The following ERBB4 variants were observed in gnomAD, a reference collection of about 807,000 sequenced individuals.
The protein encoded by ERBB4 is erb-b2 receptor tyrosine kinase 4, also known as receptor tyrosine-protein kinase erbB-4.
ERBB4 carries 42 observed loss-of-function variants against 158.0 expected under a neutral mutation model. The ratio of observed to expected loss-of-function variants is 0.27; its 90% confidence interval spans 0.21 to 0.34. ERBB4 has a LOEUF of 0.34. Among genes scored for constraint, ERBB4 ranks in the 10% least tolerant of loss-of-function variants. The pLI is 1.00. For missense variants in ERBB4, 1,333 were observed against 1,624.1 expected, an observed-to-expected ratio of 0.82 and a Z score of 3.08; for synonymous variants, 583 against 558.7, an observed-to-expected ratio of 1.04 and a Z score of -0.61.
At chr2:211,897,548 C>T (rs953952673) in intron 3 of ERBB4, among the ~76,000 whole-genome samples, 5 of 151,916 alleles carry the variant, frequency 3.3e-5, no homozygotes, top group African/African-American at 4.8e-5. Context: ...CACTTTGTTT[C>T]CTGTGCTGGA....
intron 20 of ERBB4, among the ~76,000 whole-genome samples, chr2:211,533,758 A>G (rs995634085): frequency 6.6e-6 from 1 of 152,128 alleles, no homozygotes; most frequent in African/African-American, 2.4e-5. Context: ...GGCTATTTGC[A>G]GTGCATGACT....
At chr2:211,830,628 A>C (rs1485832965) in intron 3 of ERBB4, among the ~76,000 whole-genome samples, 1 of 152,146 alleles carries the variant, frequency 6.6e-6, no homozygotes, top group Admixed American at 6.6e-5. Flanking sequence ...GAAAGCAATA[A>C]ACATCATTCC....
chr2:211,420,676 G>A (rs2063495650), intron 24 of ERBB4, 65 bp from the exon 25 acceptor site: 4 of 1,352,656 alleles, frequency 3.0e-6, no homozygotes, highest in East Asian at 2.3e-5. Context: ...TGTGGTCTCT[G>A]CAATAAATTT....
At chr2:211,835,169 G>GCTCTGCTTCATTAACCAT (rs1559558526) in intron 3 of ERBB4, among the ~76,000 whole-genome samples, 2 of 152,060 alleles carry the variant, frequency 1.3e-5, no homozygotes, top group African/African-American at 4.8e-5. Flanking sequence ...CATCACCCCA[G>GCTCTGCTTCATTAACCAT]CTCTGCTTCA....
intron 20 of ERBB4, among the ~76,000 whole-genome samples, chr2:211,494,821 C>T (rs1211429848): frequency 6.6e-6 from 1 of 152,104 alleles, no homozygotes; most frequent in Non-Finnish European, 1.5e-5. Flanking sequence ...CCAGTCATCT[C>T]ATGTGAACCA....
chr2:211,843,292 G>C (rs1029058504), intron 3 of ERBB4, among the ~76,000 whole-genome samples: 3 of 152,054 alleles, frequency 2.0e-5, no homozygotes, highest in African/African-American at 7.2e-5. Context: ...TTCATATTGG[G>C]TGAAGACAAA....
chr2:211,825,050 A>C (rs1187684515), intron 3 of ERBB4, among the ~76,000 whole-genome samples: 1 of 151,978 alleles, frequency 6.6e-6, no homozygotes, highest in Non-Finnish European at 1.5e-5. Flanking sequence ...AAAGTTAATA[A>C]ATCAAAAGAG....
intron 3 of ERBB4, among the ~76,000 whole-genome samples, chr2:211,805,347 C>T (rs960304878): frequency 6.6e-6 from 1 of 152,036 alleles, no homozygotes; most frequent in African/African-American, 2.4e-5. Flanking sequence ...AAGAATCTGT[C>T]TGATCAAATA....
intron 20 of ERBB4, among the ~76,000 whole-genome samples, chr2:211,448,093 C>T (rs1430249756): frequency 1.3e-5 from 2 of 152,048 alleles, no homozygotes; most frequent in African/African-American, 4.8e-5. Flanking sequence ...CTGCTTCAGC[C>T]TCCCCAGTAG....
intron 20 of ERBB4, among the ~76,000 whole-genome samples, chr2:211,517,123 A>G (rs987760303): frequency 1.3e-5 from 2 of 152,156 alleles, no homozygotes; most frequent in Non-Finnish European, 2.9e-5. Context: ...AACTTATTGC[A>G]GGGATAGCAC....
intron 1 of ERBB4, among the ~76,000 whole-genome samples, chr2:212,212,318 T>C (rs1285020072): frequency 1.3e-5 from 2 of 152,102 alleles, no homozygotes; most frequent in Non-Finnish European, 2.9e-5. Flanking sequence ...TTACAATTGC[T>C]ACAAAGAGAA....
At position 211,514,047 on chromosome 2, in the gene ERBB4, A is replaced by G. The variant is rs568317257; in HGVS notation, c.2487+47856T>C. On this transcript the variant is annotated intron_variant, in intron 20 of 27. Coordinates refer to ENST00000342788, the MANE Select transcript of ERBB4 (RefSeq NM_005235.3). ...AATTATTGTCAACTATAGTTGTCCT[A>G]CTGTGCTAGGGAACACTAGGACTTA... Among the ~76,000 whole-genome samples the G allele has an allele frequency of 2.0e-5, 3 of 152,166 alleles. No homozygotes were observed. The South Asian group carries it at 6.2e-4, about 32-fold the overall frequency.
At chr2:211,698,126 A>G (rs2106019954) in intron 12 of ERBB4, among the ~76,000 whole-genome samples, 1 of 151,986 alleles carries the variant, frequency 6.6e-6, no homozygotes, top group Admixed American at 6.6e-5. Context: ...AGACCAGCCT[A>G]ACTAACATGG....
chr2:212,149,699 CT>C (rs974750262), intron 1 of ERBB4, among the ~76,000 whole-genome samples: 3 of 152,096 alleles, frequency 2.0e-5, no homozygotes, highest in African/African-American at 7.2e-5. Flanking sequence ...TAATGTCTTT[CT>C]TTTTTCATCC....
At chr2:212,327,318 T>G (rs1383217286) in intron 1 of ERBB4, among the ~76,000 whole-genome samples, 1 of 152,028 alleles carries the variant, frequency 6.6e-6, no homozygotes, top group Non-Finnish European at 1.5e-5. Flanking sequence ...AATTATGAAT[T>G]ACAAAGTTAG....
intron 19 of ERBB4, among the ~76,000 whole-genome samples, chr2:211,589,446 A>G (rs1320392946): frequency 6.6e-6 from 1 of 152,192 alleles, no homozygotes; most frequent in African/African-American, 2.4e-5. Context: ...ATGTCCACAT[A>G]TAATTTCCTT....
chr2:211,967,180 C>T (rs1047855039), intron 2 of ERBB4, among the ~76,000 whole-genome samples: 4 of 151,960 alleles, frequency 2.6e-5, no homozygotes, highest in African/African-American at 9.7e-5. Flanking sequence ...AAATAGAATA[C>T]TCCATTCCCT....
chr2:211,845,168 C>T (rs2077560033), intron 3 of ERBB4, among the ~76,000 whole-genome samples: 1 of 152,064 alleles, frequency 6.6e-6, no homozygotes, highest in South Asian at 2.1e-4. Flanking sequence ...TGCCAGCTCC[C>T]GACTAACAGC....
chr2:211,637,155 C>T (rs553813465), intron 16 of ERBB4, among the ~76,000 whole-genome samples: 9 of 151,980 alleles, frequency 5.9e-5, no homozygotes, highest in African/African-American at 1.9e-4. Flanking sequence ...ACAGTGGCTA[C>T]AGATGAAAGC....
Sources: allele counts gnomAD v4.1 joint callset (sites outside exome capture counted in the v4.1 genomes callset), GRCh38; gene constraint gnomAD v4.1.1; transcripts MANE v1.5; gene names NCBI Gene and HGNC (gene_info 2026-07-23, HGNC 2026-07-21).